The following PSD3 variants were observed in gnomAD, a reference collection of about 807,000 sequenced individuals.
The protein encoded by PSD3 is PH and SEC7 domain-containing protein 3.
PSD3 carries 49 observed loss-of-function variants against 105.5 expected under a neutral mutation model. That is an observed-to-expected ratio of 0.46 (90% CI 0.37 to 0.59). The LOEUF (loss-of-function observed/expected upper bound fraction) is 0.59, where lower values mean the gene tolerates loss of function less well. Ranked by LOEUF, PSD3 falls within the 20% of genes least tolerant of loss-of-function variation. PSD3 has a pLI of 0.00. For synonymous variants in PSD3, 557 were observed against 457.8 expected, an observed-to-expected ratio of 1.22 and a Z score of -2.77; for missense variants, 1,561 against 1,263.8, an observed-to-expected ratio of 1.24 and a Z score of -3.57.
Position 18,535,860 on chromosome 8 carries a change from G to A in PSD3, c.3027C>T (p.His1009=). 6.2e-7 allele frequency: 1 copy of A among 1,614,096 alleles called. No homozygotes were observed. Among genetic ancestry groups the A allele is most frequent in the East Asian group, 2.2e-5 (1 of 44,876 alleles). Residue 1009 remains histidine, a synonymous_variant, in exon 16 of 16, where the codon CAC becomes CAT. Transcript: ENST00000327040. ...ESEAAGLKKS[H]SSPSLNPDTS... ...TATCCGGGTTCAGCGAAGGACTCGA[G>A]TGCGACTTCTTCAGTCCTGCAGCCT... is the stretch of plus-strand genomic sequence containing the variant.
intron 12 of PSD3, among the ~76,000 whole-genome samples, chr8:18,591,554 C>T (rs1803607506): frequency 6.6e-6 from 1 of 152,162 alleles, no homozygotes; most frequent in African/African-American, 2.4e-5. Flanking sequence ...TTTCTCACCT[C>T]ACTCACAGCA....
chr8:18,834,157 A>T lies in PSD3; in HGVS notation c.1635-29259T>A, dbSNP rs574773053. Among the ~76,000 whole-genome samples the T allele has an allele frequency of 3.3e-5, 5 of 152,350 alleles. No individual in the cohort carries two copies. The East Asian group carries it at 7.7e-4, about 24-fold the overall frequency. On this transcript the variant is annotated intron_variant, in intron 4 of 15. Coordinates refer to ENST00000327040, the MANE Select transcript of PSD3 (RefSeq NM_015310.4). The stretch of plus-strand genomic sequence containing the variant: ...ATCCAATTCAAAGAGCACATGAAAG[A>T]TAAGAATGTAGAGAACTTGAAGAAA...
intron 4 of PSD3, among the ~76,000 whole-genome samples, chr8:18,845,334 G>C (rs980410080): frequency 6.6e-6 from 1 of 152,174 alleles, no homozygotes; most frequent in East Asian, 1.9e-4. Flanking sequence ...TCCTGGAGTG[G>C]ATGGGGTCCC....
chr8:19,039,614 C>A (rs1485793858), intron 1 of PSD3, among the ~76,000 whole-genome samples: 1 of 152,194 alleles, frequency 6.6e-6, no homozygotes, highest in Non-Finnish European at 1.5e-5. Flanking sequence ...TATCATGTCC[C>A]TCCCAACCCT....
chr8:18,571,242 TG>T (rs1294080651), intron 14 of PSD3, among the ~76,000 whole-genome samples: 1 of 152,150 alleles, frequency 6.6e-6, no homozygotes, highest in East Asian at 1.9e-4. Context: ...TTTCATGATT[TG>T]GCCTTTGCTG....
chr8:18,798,981 A>C (rs1486987554), intron 8 of PSD3, among the ~76,000 whole-genome samples: 4 of 152,124 alleles, frequency 2.6e-5, no homozygotes, highest in East Asian at 1.9e-4. Flanking sequence ...TTATCTATCA[A>C]CTGTAATTCT....
At chr8:18,985,253 T>C (rs1384290925) in intron 1 of PSD3, among the ~76,000 whole-genome samples, 1 of 151,982 alleles carries the variant, frequency 6.6e-6, no homozygotes. Context: ...TTTTATAGAG[T>C]GGAGGGCTGC....
rs533439996 is a variant in PSD3, at chr8:18,535,174, T to C, written c.*569A>G. ...TTTCCCTGCTTCCAGCAGGGTCCGA[T>C]CTCAACAACAAGTGCTAAGCTGCAC... On this transcript the variant is annotated 3_prime_UTR_variant, in exon 16 of 16. Transcript: ENST00000327040. 6.5e-6 allele frequency: 1 copy of C among 154,064 alleles called. No homozygotes were observed. The highest frequency in any genetic ancestry group is 2.0e-4 in the South Asian group (1 of 4,882). 9.5% of individuals were successfully genotyped at this position (154,064 alleles called of 1,614,324 possible). A position where few individuals can be genotyped will look rare whatever the true frequency, so the allele number is the denominator to read the frequency against.
chr8:18,898,635 A>G (rs1461431097), intron 2 of PSD3, among the ~76,000 whole-genome samples: 1 of 152,240 alleles, frequency 6.6e-6, no homozygotes, highest in Non-Finnish European at 1.5e-5. Flanking sequence ...ATAAATAGGG[A>G]ATGGACACAT....
At chr8:18,557,970 G>C (rs1328036272) in intron 14 of PSD3, among the ~76,000 whole-genome samples, 1 of 152,186 alleles carries the variant, frequency 6.6e-6, no homozygotes, top group Admixed American at 6.5e-5. Context: ...TAAGAGTGGG[G>C]CATATATCCA....
At chr8:18,878,832 C>G (rs1366855822) in intron 2 of PSD3, among the ~76,000 whole-genome samples, 1 of 152,094 alleles carries the variant, frequency 6.6e-6, no homozygotes, top group Non-Finnish European at 1.5e-5. Flanking sequence ...CGCCTTAAAG[C>G]TTCCAAAGGC....
chr8:18,600,341 T>C (rs1804346526), intron 12 of PSD3, 23 bp downstream of exon 12: 3 of 1,593,758 alleles, frequency 1.9e-6, no homozygotes, highest in Non-Finnish European at 1.7e-6. Flanking sequence ...GTTTTGTGGA[T>C]TTTTTATCTG....
At chr8:19,060,017 C>T (rs1586679090) in intron 1 of PSD3, among the ~76,000 whole-genome samples, 1 of 152,198 alleles carries the variant, frequency 6.6e-6, no homozygotes, top group Admixed American at 6.5e-5. Flanking sequence ...GTGCTTTTGA[C>T]AAAAGTCCAC....
intron 1 of PSD3, among the ~76,000 whole-genome samples, chr8:19,074,098 T>C (rs993910458): frequency 6.6e-6 from 1 of 152,122 alleles, no homozygotes; most frequent in Non-Finnish European, 1.5e-5. Context: ...CAGCCCAGAA[T>C]TGTTTATGTG....
intron 4 of PSD3, among the ~76,000 whole-genome samples, chr8:18,845,340 G>A (rs181314131): frequency 3.5e-4 from 53 of 152,296 alleles, no homozygotes; most frequent in Non-Finnish European, 5.1e-4. Flanking sequence ...AGTGGATGGG[G>A]TCCCCTAGGC....
intron 1 of PSD3, among the ~76,000 whole-genome samples, chr8:18,974,157 T>G (rs1170693692): frequency 6.6e-6 from 1 of 152,244 alleles, no homozygotes; most frequent in East Asian, 1.9e-4. Flanking sequence ...GTTCTCTCCA[T>G]AGATTGTCAG....
At chr8:19,017,553 C>G (rs77758289), upstream of PSD3, among the ~76,000 whole-genome samples, 7,226 of 152,250 alleles carry the variant, frequency 0.047, 524 homozygotes, top group African/African-American at 0.16. Flanking sequence ...CATTGGCGGT[C>G]GCTCCTCTTT....
At chr8:19,071,957 G>A (rs186099445) in intron 1 of PSD3, among the ~76,000 whole-genome samples, 14 of 152,050 alleles carry the variant, frequency 9.2e-5, no homozygotes, top group Non-Finnish European at 1.8e-4. Context: ...CAATCCACTC[G>A]CCTCGGCCTC....
Position 18,749,216 on chromosome 8 carries a change from T to C in PSD3, c.2172+16233A>G, listed in dbSNP as rs145821976. ...GAGTACATTCAAGGGATATGGCTGC[T>C]CTTAGTGGACCACACGTTATCATCC... On this transcript the variant is annotated intron_variant, in intron 9 of 15. Coordinates refer to ENST00000327040, the MANE Select transcript of PSD3 (RefSeq NM_015310.4). 1.1e-4 allele frequency among the ~76,000 whole-genome samples: 17 copies of C among 152,308 alleles called. 1 individual carries two copies. The East Asian group carries it at 3.1e-3, about 28-fold the overall frequency.
Sources: allele counts gnomAD v4.1 joint callset (sites outside exome capture counted in the v4.1 genomes callset), GRCh38; gene constraint gnomAD v4.1.1; transcripts MANE v1.5; gene names NCBI Gene and HGNC (gene_info 2026-07-23, HGNC 2026-07-21).